Variants in CEP63 observed in about 807,000 individuals in gnomAD.
CEP63 encodes the protein centrosomal protein of 63 kDa.
A neutral mutation model predicts 89.1 loss-of-function variants in CEP63; 84 were observed. The ratio of observed to expected loss-of-function variants is 0.94; its 90% CI spans 0.79 to 1.13. CEP63 has a LOEUF of 1.13. Ranked by LOEUF, CEP63 falls within the 50% of genes most tolerant of loss-of-function variation. The pLI, the probability that CEP63 is intolerant of heterozygous loss-of-function variation, is 0.00. For synonymous variants in CEP63, 267 were observed against 272.5 expected (o/e 0.98, Z 0.20); for missense variants, 838 against 813.3 (o/e 1.03, Z -0.37).
the CEP63 span, chr3:134,643,458 C>T: frequency 3.6e-5 from 46 of 1,279,240 alleles, no homozygotes; most frequent in Admixed American, 1.1e-4. Flanking sequence ...TATGTGTTTG[C>T]GGGAAAGGTG....
the CEP63 span, among the ~76,000 whole-genome samples, chr3:134,685,928 C>T: frequency 6.6e-6 from 1 of 152,242 alleles, no homozygotes; most frequent in African/African-American, 2.4e-5. Context: ...TTAGGGCCTA[C>T]TCCATGCCAG....
chr3:134,496,210 A>G (rs9815297), intron 2 of CEP63, among the ~76,000 whole-genome samples: 96,263 of 151,976 alleles, frequency 0.63, 31,215 homozygotes, highest in East Asian at 0.81. Context: ...TTTCAGTCAT[A>G]AAAGCCACAA....
chr3:134,664,307 TC>T, the CEP63 span, among the ~76,000 whole-genome samples: 6 of 152,290 alleles, frequency 3.9e-5, no homozygotes. Context: ...ACACCCTCTG[TC>T]CAAGGTGGAA....
At chr3:134,528,569 C>CGTGTGTATGTGTGT (rs1949196183) in intron 3 of CEP63, among the ~76,000 whole-genome samples, 3 of 147,132 alleles carry the variant, frequency 2.0e-5, no homozygotes, top group African/African-American at 7.5e-5. Flanking sequence ...TGTGTGTGTG[C>CGTGTGTATGTGTGT]GTGTGTGTGT....
chr3:134,716,824 G>C, the CEP63 span, among the ~76,000 whole-genome samples: 1 of 152,134 alleles, frequency 6.6e-6, no homozygotes, highest in Non-Finnish European at 1.5e-5. Context: ...CTTTCAGTTG[G>C]TTAGTTACTT....
downstream of CEP63, among the ~76,000 whole-genome samples, chr3:134,575,247 C>G: frequency 9.2e-6 from 1 of 109,282 alleles, no homozygotes; most frequent in African/African-American, 3.4e-5. Context: ...TCCTTCCTTC[C>G]TTCCTTCCTT....
chr3:134,627,486 AAT>A, the CEP63 span, among the ~76,000 whole-genome samples: 3 of 152,220 alleles, frequency 2.0e-5, no homozygotes, highest in African/African-American at 4.8e-5. Context: ...TTACGATTTT[AAT>A]ATGTTTCCTA....
the CEP63 span, chr3:134,650,807 G>A: frequency 7.8e-5 from 121 of 1,557,276 alleles, no homozygotes; most frequent in Non-Finnish European, 1.0e-4. Context: ...CCGGGGACCC[G>A]GGTCGGGCGC....
At chr3:134,498,137 G>C (rs1458909971) in intron 2 of CEP63, among the ~76,000 whole-genome samples, 3 of 152,078 alleles carry the variant, frequency 2.0e-5, no homozygotes, top group Non-Finnish European at 4.4e-5. Context: ...AGATTGCATT[G>C]AATCTGTGGA....
At position 134,564,692 on chromosome 3, in the gene CEP63, A is replaced by G. The variant is rs753314432; in HGVS notation, c.*3157A>G. 6.7e-5 allele frequency: 66 copies of G among 985,316 alleles called. No individual in the cohort carries two copies. Among genetic ancestry groups the G allele is most frequent in the Non-Finnish European group, 7.8e-5 (65 of 829,920 alleles). The allele number at this position is 985,316 out of a possible 1,614,324, so 61.0% of individuals were successfully genotyped here. On this transcript the variant is annotated 3_prime_UTR_variant, in exon 15 of 15. Transcript: ENST00000675561. Reference sequence around the variant, plus strand: ...ATATTTGAAAGGGCTTTGCAGTTTTAAGTACTGTACCTATGTGCATTGCTG... The same window carrying G: ...ATATTTGAAAGGGCTTTGCAGTTTTGAGTACTGTACCTATGTGCATTGCTG...
downstream of CEP63, chr3:134,575,105 T>G (rs1958166975): frequency 2.8e-6 from 1 of 360,106 alleles, no homozygotes; most frequent in Non-Finnish European, 4.9e-6. Flanking sequence ...CTAGAAAGCT[T>G]AAGATAACTC....
At chr3:134,573,120 T>A (rs1391161303) in intron 11 of CEP63, among the ~76,000 whole-genome samples, 1 of 152,236 alleles carries the variant, frequency 6.6e-6, no homozygotes, top group Non-Finnish European at 1.5e-5. Flanking sequence ...TGCTTTTTGC[T>A]TGTTGAGTTG....
intron 3 of CEP63, among the ~76,000 whole-genome samples, chr3:134,524,408 A>G (rs570394989): frequency 3.9e-5 from 6 of 152,246 alleles, no homozygotes; most frequent in South Asian, 2.1e-4. Flanking sequence ...TCTGGCCAGG[A>G]CTTCTAAAAC....
intron 9 of CEP63, 142 bp downstream of exon 9, chr3:134,547,614 C>CTTTTTTTTTTTTTTTTTTCT (rs62656962): frequency 4.5e-6 from 1 of 224,274 alleles, no homozygotes; most frequent in East Asian, 1.2e-4. Flanking sequence ...GTTCTTATTT[C>CTTTTTTTTTTTTTTTTTTCT]TTTTTTTTTT....
At chr3:134,532,690 C>T in intron 4 of CEP63, 88 bp from the exon 5 acceptor site, 1 of 1,083,610 alleles carries the variant, frequency 9.2e-7, no homozygotes, top group Non-Finnish European at 1.4e-6. Flanking sequence ...CTGGTTAGCA[C>T]TGCTCTTGTT....
At chr3:134,749,866 A>T in the CEP63 span, among the ~76,000 whole-genome samples, 3 of 152,042 alleles carry the variant, frequency 2.0e-5, no homozygotes, top group African/African-American at 4.8e-5. Flanking sequence ...GGACAGACAG[A>T]CCAGAGCTTC....
the CEP63 span, chr3:134,608,256 G>T: frequency 8.4e-7 from 1 of 1,196,502 alleles, no homozygotes; most frequent in East Asian, 5.7e-5. Context: ...TAGCCAGGGT[G>T]ACGTAGTCCT....
chr3:134,553,521 A>G (rs1560029068), intron 12 of CEP63: 2 of 152,214 alleles, frequency 1.3e-5, no homozygotes, highest in Admixed American at 6.5e-5. Context: ...GTAGATAGAT[A>G]CCTCACAGAA....
the CEP63 span, among the ~76,000 whole-genome samples, chr3:134,689,123 G>A: frequency 6.6e-6 from 1 of 152,012 alleles, no homozygotes; most frequent in South Asian, 2.1e-4. Context: ...TGAATCTCCT[G>A]TTGGCCTCAT....
Sources: gnomAD v4.1 joint callset for allele counts (sites outside exome capture counted in the v4.1 genomes callset) on GRCh38, gnomAD v4.1.1 for gene constraint, MANE v1.5 for transcripts, NCBI Gene and HGNC (gene_info 2026-07-23, HGNC 2026-07-21) for gene names.